The following SLC8A1 variants were observed in gnomAD, a reference collection of about 807,000 sequenced individuals.
SLC8A1 encodes sodium/calcium exchanger 1.
Under a neutral mutation model 68.3 loss-of-function variants are expected in SLC8A1, and 18 were observed. The observed-to-expected ratio is 0.26, with a 90% CI of 0.18 to 0.39. The LOEUF (loss-of-function observed/expected upper bound fraction) is 0.39. Among genes scored for constraint, SLC8A1 ranks in the 10% least tolerant of loss-of-function variants. SLC8A1 has a pLI of 1.00. For synonymous variants in SLC8A1, 475 were observed against 415.5 expected, an observed-to-expected ratio of 1.14 and a Z score of -1.74; for missense variants, 985 against 1,156.7, an observed-to-expected ratio of 0.85 and a Z score of 2.15.
intron 2 of SLC8A1, among the ~76,000 whole-genome samples, chr2:40,322,888 T>C (rs1421760146): frequency 6.6e-6 from 1 of 151,708 alleles, no homozygotes; most frequent in East Asian, 1.9e-4. Flanking sequence ...ATTTAATCCT[T>C]AGAGCAACTC....
At chr2:40,240,813 G>A (rs555783969) in intron 2 of SLC8A1, among the ~76,000 whole-genome samples, 8 of 152,132 alleles carry the variant, frequency 5.3e-5, no homozygotes, top group Non-Finnish European at 1.0e-4. Flanking sequence ...AGGAGTTCAA[G>A]GCTGCAGTGA....
chr2:40,413,894 G>T (rs958548103), intron 2 of SLC8A1, among the ~76,000 whole-genome samples: 1 of 152,172 alleles, frequency 6.6e-6, no homozygotes, highest in African/African-American at 2.4e-5. Flanking sequence ...AGCACATGAT[G>T]ATGCGTCTCA....
intron 2 of SLC8A1, among the ~76,000 whole-genome samples, chr2:40,299,810 A>C (rs552510306): frequency 5.1e-4 from 78 of 152,312 alleles, no homozygotes; most frequent in African/African-American, 1.8e-3. Context: ...GGACAGAAAC[A>C]AAGTGAATTG....
At position 40,178,259 on chromosome 2, in the gene SLC8A1, G is replaced by T. The variant is rs996040483; in HGVS notation, c.1809-404C>A. 13 of 752,896 alleles carry T rather than the reference G, an allele frequency of 1.7e-5. No individual in the cohort carries two copies. The African/African-American group carries it at 2.1e-4, about 12-fold the overall frequency. 46.6% of individuals were successfully genotyped at this position (752,896 alleles called of 1,614,324 possible). On this transcript the variant is annotated intron_variant, in intron 2 of 7. Coordinates refer to ENST00000406785, the Ensembl canonical transcript of SLC8A1. ...GCCTGCCTACTGTGGCTCAGCATGA[G>T]ATCTGTGCCCTGTTACATAGGTGGA...
intron 6 of SLC8A1, among the ~76,000 whole-genome samples, chr2:40,160,179 C>G (rs1430893295): frequency 6.6e-6 from 1 of 152,140 alleles, no homozygotes; most frequent in African/African-American, 2.4e-5. Context: ...ATTTAATTCC[C>G]TCATGTTTCT....
chr2:40,282,648 T>C (rs564707038), intron 2 of SLC8A1, among the ~76,000 whole-genome samples: 1 of 152,276 alleles, frequency 6.6e-6, no homozygotes, highest in South Asian at 2.1e-4. Context: ...AGTACCGAAA[T>C]AAAAACATGA....
chr2:40,347,017 C>A (rs867374627), intron 2 of SLC8A1, among the ~76,000 whole-genome samples: 15 of 152,156 alleles, frequency 9.9e-5, no homozygotes, highest in African/African-American at 3.6e-4. Context: ...GTACATACAT[C>A]AAAGCACAGC....
intron 2 of SLC8A1, among the ~76,000 whole-genome samples, chr2:40,316,231 A>T (rs2149324027): frequency 6.6e-6 from 1 of 152,166 alleles, no homozygotes; most frequent in Non-Finnish European, 1.5e-5. Flanking sequence ...TCTGGACTCA[A>T]CTGTCCTTTG....
At chr2:40,404,017 G>C (rs1030744835) in intron 2 of SLC8A1, among the ~76,000 whole-genome samples, 3 of 152,118 alleles carry the variant, frequency 2.0e-5, no homozygotes, top group African/African-American at 7.2e-5. Flanking sequence ...GTATCTAATA[G>C]AGAATATTAA....
intron 2 of SLC8A1, among the ~76,000 whole-genome samples, chr2:40,324,946 T>C (rs2075641782): frequency 6.6e-6 from 1 of 152,140 alleles, no homozygotes; most frequent in African/African-American, 2.4e-5. Context: ...GTGGCTGAGA[T>C]ATGGCCCTGG....
intron 2 of SLC8A1, among the ~76,000 whole-genome samples, chr2:40,205,487 T>C (rs2055232709): frequency 1.3e-5 from 2 of 151,982 alleles, no homozygotes; most frequent in South Asian, 2.1e-4. Context: ...AGTCTATCAC[T>C]GACTTTGCAG....
At chr2:40,165,250 C>A (rs2046350826) in intron 4 of SLC8A1, among the ~76,000 whole-genome samples, 2 of 152,166 alleles carry the variant, frequency 1.3e-5, no homozygotes, top group Non-Finnish European at 2.9e-5. Context: ...TGGGGCATAT[C>A]ACTGAGAAAA....
intron 4 of SLC8A1, among the ~76,000 whole-genome samples, 161 bp from the exon 7 acceptor site, chr2:40,170,510 C>G (rs2047287513): frequency 6.6e-6 from 1 of 152,154 alleles, no homozygotes; most frequent in African/African-American, 2.4e-5. Flanking sequence ...AGGTAGGTCA[C>G]AGAAGGGAGC....
chr2:40,180,769 A>G (rs562909526), intron 2 of SLC8A1, among the ~76,000 whole-genome samples: 2 of 152,268 alleles, frequency 1.3e-5, no homozygotes, highest in South Asian at 4.2e-4. Context: ...ATTTTATTGG[A>G]TTATAGAAGT....
chr2:40,214,697 C>T (rs769112134), intron 2 of SLC8A1, among the ~76,000 whole-genome samples: 28 of 152,238 alleles, frequency 1.8e-4, no homozygotes, highest in Admixed American at 3.9e-4. Flanking sequence ...CTTGGCCTCC[C>T]AAAGTGCTGG....
exon 8 of SLC8A1, chr2:40,101,953 ACT>A (rs947157484): frequency 3.9e-5 from 6 of 152,166 alleles, no homozygotes; most frequent in African/African-American, 1.2e-4. Context: ...CAAACTTGAG[ACT>A]CACAAAAGCG....
At chr2:40,381,865 A>C (rs1390812743) in intron 2 of SLC8A1, among the ~76,000 whole-genome samples, 1 of 151,436 alleles carries the variant, frequency 6.6e-6, no homozygotes, top group African/African-American at 2.4e-5. Context: ...CTTCCTGTTC[A>C]CCAACTCCTC....
intron 2 of SLC8A1, among the ~76,000 whole-genome samples, chr2:40,200,252 ATATATATATATATATAACCTCTTTTAGT>A (rs1558723709): frequency 3.1e-5 from 2 of 64,184 alleles, no homozygotes; most frequent in Non-Finnish European, 5.7e-5. Flanking sequence ...ATATATATAT[ATATATATATATATATAACCTCTTTTAGT>A]AATTTCTGAT....
intron 7 of SLC8A1, among the ~76,000 whole-genome samples, chr2:40,124,628 C>T (rs1028710018): frequency 2.0e-5 from 3 of 152,030 alleles, no homozygotes; most frequent in Non-Finnish European, 2.9e-5. Context: ...CCTGAAAAGT[C>T]TACTAACTAT....
Sources: gnomAD v4.1 joint callset for allele counts (sites outside exome capture counted in the v4.1 genomes callset) on GRCh38, gnomAD v4.1.1 for gene constraint, MANE v1.5 for transcripts, NCBI Gene and HGNC (gene_info 2026-07-23, HGNC 2026-07-21) for gene names.